The following MTMR1 variants were observed in gnomAD, a reference collection of about 807,000 sequenced individuals.
MTMR1 encodes phosphatidylinositol-3-phosphate phosphatase MTMR1.
In MTMR1, 17 loss-of-function variants were observed where a neutral mutation model predicts 51.6. The observed-to-expected ratio is 0.33, with a 90% CI of 0.23 to 0.49. The LOEUF is 0.49. Among genes scored for constraint, MTMR1 ranks in the 20% least tolerant of loss-of-function variants. MTMR1 has a pLI of 0.99. For missense variants in MTMR1, 386 were observed against 526.9 expected, an observed-to-expected ratio of 0.73 and a Z score of 2.62; for synonymous variants, 201 against 205.6, an observed-to-expected ratio of 0.98 and a Z score of 0.19.
At chrX:150,714,306 C>T (rs2041418147) in intron 3 of MTMR1, among the ~76,000 whole-genome samples, 1 of 112,144 alleles carries the variant, frequency 8.9e-6, no homozygotes, top group African/African-American at 3.2e-5. Context: ...CATGTTATTT[C>T]CTTAACTCCA....
intron 13 of MTMR1, among the ~76,000 whole-genome samples, chrX:150,747,520 C>T (rs146092289): frequency 0.029 from 3,223 of 111,537 alleles, 42 homozygotes; most frequent in Middle Eastern, 0.046. Flanking sequence ...TTTCGGAAAT[C>T]GTACTTTTAG....
intron 1 of MTMR1, 59 bp from the exon 2 acceptor site, chrX:150,699,136 T>C (rs912608710): frequency 2.5e-5 from 19 of 759,835 alleles, no homozygotes; most frequent in Non-Finnish European, 3.0e-5. Context: ...TATTCAGTGC[T>C]AATTTTTTCA....
chrX:150,713,088 A>G (rs1220747339), intron 3 of MTMR1: 2 of 374,338 alleles, frequency 5.3e-6, no homozygotes, highest in African/African-American at 2.8e-5. Context: ...ATTGAAGCCA[A>G]TGAAGTAGTA....
intron 12 of MTMR1, among the ~76,000 whole-genome samples, chrX:150,743,437 A>C (rs2042490750): frequency 8.9e-6 from 1 of 112,217 alleles, no homozygotes; most frequent in South Asian, 3.7e-4. Context: ...TCAAGTGATA[A>C]ATTATATGTC....
chrX:150,698,528 A>G (rs782586824), intron 1 of MTMR1, among the ~76,000 whole-genome samples: 10 of 111,110 alleles, frequency 9.0e-5, no homozygotes, highest in Non-Finnish European at 1.9e-4. Context: ...CCTATGCTGT[A>G]AGATAAATAT....
rs782055753 is a variant in MTMR1 at position 150,736,707 on chromosome X, T to C, written c.1193T>C (p.Ile398Thr). Residue 398 changes from isoleucine to threonine, a missense_variant, in exon 11 of 16, where the codon ATT becomes ACT. By Grantham distance (89) the Ile-to-Thr change is moderately conservative. Transcript: ENST00000445323. ...GAGTCACTACGCAAATTAAAAGAGA[T>C]TGTGTACCCTTCGATCGATGAGGCG... ...MRESLRKLKE[I>T]VYPSIDEARW... The C allele has an allele frequency of 8.3e-7, 1 of 1,211,217 alleles. No individual in the cohort carries two copies. The highest frequency in any genetic ancestry group is 1.1e-6 in the Non-Finnish European group (1 of 895,223).
intron 2 of MTMR1, among the ~76,000 whole-genome samples, chrX:150,701,614 T>C (rs1261491168): frequency 8.9e-6 from 1 of 112,058 alleles, no homozygotes; most frequent in African/African-American, 3.2e-5. Context: ...ATCATCATCA[T>C]CATCATCAAC....
intron 14 of MTMR1, 42 bp downstream of exon 14, chrX:150,750,885 C>A: frequency 9.2e-7 from 1 of 1,088,042 alleles, no homozygotes; most frequent in Non-Finnish European, 1.3e-6. Flanking sequence ...CCCTGTGGCT[C>A]AGGCACCTCT....
At chrX:150,760,584 G>T (rs1030028688) in intron 15 of MTMR1, among the ~76,000 whole-genome samples, 1 of 111,795 alleles carries the variant, frequency 8.9e-6, no homozygotes, top group African/African-American at 3.3e-5. Context: ...TTAAGCCTCC[G>T]AGTTTTCTAT....
At chrX:150,712,906 T>G in intron 3 of MTMR1, 1 of 906,442 alleles carries the variant, frequency 1.1e-6, no homozygotes, top group Non-Finnish European at 1.4e-6. Flanking sequence ...GGGTTACAGC[T>G]TATATTTTCC....
chrX:150,729,951 G>A (rs184370074), intron 6 of MTMR1, among the ~76,000 whole-genome samples, 158 bp from the exon 7 acceptor site: 108 of 111,424 alleles, frequency 9.7e-4, no homozygotes, highest in African/African-American at 3.4e-3. Flanking sequence ...CCAGGGAGGC[G>A]GAGGTTGCAA....
intron 4 of MTMR1, among the ~76,000 whole-genome samples, chrX:150,724,983 G>A (rs1340628469): frequency 4.5e-5 from 5 of 111,851 alleles, no homozygotes; most frequent in Non-Finnish European, 9.4e-5. Flanking sequence ...GTTACTGTGG[G>A]CCTGTAGTAT....
At chrX:150,709,790 G>A (rs782771816) in intron 2 of MTMR1, among the ~76,000 whole-genome samples, 101 of 111,067 alleles carry the variant, frequency 9.1e-4, no homozygotes, top group African/African-American at 3.2e-3. Flanking sequence ...CAAAGACAGC[G>A]CCCAGCCATG....
At chrX:150,743,940 C>G (rs1408771269) in intron 12 of MTMR1, among the ~76,000 whole-genome samples, 2 of 112,116 alleles carry the variant, frequency 1.8e-5, no homozygotes, top group Non-Finnish European at 3.8e-5. Flanking sequence ...TCTCAGACTT[C>G]CTGACATTTC....
chrX:150,759,101 G>A, intron 15 of MTMR1, among the ~76,000 whole-genome samples: 1 of 112,701 alleles, frequency 8.9e-6, no homozygotes, highest in Admixed American at 9.4e-5. Context: ...TCCAGGTCCA[G>A]CACTGTCCTC....
chrX:150,739,990 G>A (rs1297074091), intron 12 of MTMR1, among the ~76,000 whole-genome samples: 2 of 111,643 alleles, frequency 1.8e-5, no homozygotes, highest in Non-Finnish European at 3.8e-5. Context: ...GGCTGATCCT[G>A]CCCTTGCCTG....
chrX:150,702,527 TTGTC>T (rs781988534), intron 2 of MTMR1, among the ~76,000 whole-genome samples: 191 of 112,076 alleles, frequency 1.7e-3, no homozygotes, highest in Non-Finnish European at 3.0e-3. Context: ...ATATCATAAA[TTGTC>T]AGTCAGCCCA....
At chrX:150,748,584 G>A (rs1441452391) in intron 13 of MTMR1, among the ~76,000 whole-genome samples, 5 of 109,560 alleles carry the variant, frequency 4.6e-5, no homozygotes, top group Non-Finnish European at 7.6e-5. Context: ...TTAGGAGGCC[G>A]AGATGGGAGG....
chrX:150,715,650 A>G, intron 3 of MTMR1, among the ~76,000 whole-genome samples: 1 of 112,229 alleles, frequency 8.9e-6, no homozygotes. Context: ...AAACAAAAAA[A>G]CCTCCAAGCT....
Sources: gnomAD v4.1 joint callset for allele counts (sites outside exome capture counted in the v4.1 genomes callset) on GRCh38, gnomAD v4.1.1 for gene constraint, MANE v1.5 for transcripts, NCBI Gene and HGNC (gene_info 2026-07-23, HGNC 2026-07-21) for gene names.